Variants in UGT1A8 observed in about 807,000 individuals in gnomAD.
UGT1A8 encodes the protein UDP glucuronosyltransferase family 1 member A8.
UGT1A8 carries 39 observed loss-of-function variants against 45.3 expected under a neutral mutation model. That is an observed-to-expected ratio of 0.86 (90% CI 0.67 to 1.12). The LOEUF is 1.12. Among genes scored for constraint, UGT1A8 ranks in the 50% most tolerant of loss-of-function variants. The probability of loss-of-function intolerance (pLI) is 0.00; values close to 1 mark genes in which losing one functional copy is unlikely to be tolerated. For missense variants in UGT1A8, 719 were observed against 664.9 expected (o/e 1.08, Z -0.90); for synonymous variants, 275 against 249.2 (o/e 1.10, Z -0.97).
chr2:233,768,582 C>CTTTTTTTTTT (rs139595073), intron 4 of UGT1A8, 143 bp downstream of exon 4: 1 of 867,188 alleles, frequency 1.2e-6, no homozygotes, highest in Non-Finnish European at 1.4e-6. Flanking sequence ...TTTATTTCTT[C>CTTTTTTTTTT]TTTTTTTTTT....
At chr2:233,644,179 G>A (rs573410731) in intron 1 of UGT1A8, among the ~76,000 whole-genome samples, 5 of 152,264 alleles carry the variant, frequency 3.3e-5, no homozygotes, top group African/African-American at 9.6e-5. Context: ...TTTACTTGAG[G>A]CCAAGACCAT....
chr2:233,730,339 G>T (rs954764150), intron 1 of UGT1A8, among the ~76,000 whole-genome samples: 16 of 152,296 alleles, frequency 1.1e-4, no homozygotes, highest in Non-Finnish European at 7.4e-5. Context: ...GTTTGGAACT[G>T]ATCCATCCTG....
intron 1 of UGT1A8, among the ~76,000 whole-genome samples, chr2:233,633,219 T>A (rs2073223117): frequency 6.6e-6 from 1 of 152,164 alleles, no homozygotes; most frequent in South Asian, 2.1e-4. Context: ...TGCCAGTACT[T>A]TATTGAGGAT....
At chr2:233,671,722 T>TA (rs1396567782) in intron 1 of UGT1A8, 150 of 1,092,392 alleles carry the variant, frequency 1.4e-4, no homozygotes, top group Middle Eastern at 6.5e-4. Context: ...TAAGCTACTG[T>TA]TGTCTGGAAA....
chr2:233,752,746 A>AAAAC lies in UGT1A8; in HGVS notation c.856-14265_856-14262dup, dbSNP rs200752387. Among the ~76,000 whole-genome samples the AAAAC allele has an allele frequency of 7.8e-3, 1,184 of 152,306 alleles. 57 individuals carry two copies. In the East Asian group the frequency reaches 0.13, roughly 17 times the overall value. On this transcript the variant is annotated intron_variant, in intron 1 of 4. Transcript: ENST00000373450. ...AGCTACAGAGAGAGACCCTGTCTCTAAAACAAACAAACAAACAAACAAACA... is the reference window on the plus strand; with the variant it reads ...AGCTACAGAGAGAGACCCTGTCTCTAAAACAAACAAACAAACAAACAAACAAACA...
intron 1 of UGT1A8, among the ~76,000 whole-genome samples, chr2:233,684,050 C>T (rs896888623): frequency 6.6e-6 from 1 of 152,098 alleles, no homozygotes; most frequent in African/African-American, 2.4e-5. Context: ...GGTGAAACAC[C>T]TGGTGTCTGA....
intron 1 of UGT1A8, among the ~76,000 whole-genome samples, chr2:233,653,024 C>T (rs992588510): frequency 6.6e-6 from 1 of 152,166 alleles, no homozygotes; most frequent in African/African-American, 2.4e-5. Context: ...GAAAAGTGAA[C>T]CCACATGGCC....
chr2:233,678,070 G>A (rs1461872857), intron 1 of UGT1A8, among the ~76,000 whole-genome samples: 1 of 152,192 alleles, frequency 6.6e-6, no homozygotes, highest in Non-Finnish European at 1.5e-5. Context: ...TACAGGCACA[G>A]AACACCAAAT....
intron 1 of UGT1A8, among the ~76,000 whole-genome samples, chr2:233,673,031 G>C (rs779935608): frequency 7.9e-5 from 12 of 152,084 alleles, no homozygotes; most frequent in Non-Finnish European, 1.6e-4. Flanking sequence ...ACATTTTTAA[G>C]TACCATGTTT....
intron 1 of UGT1A8, among the ~76,000 whole-genome samples, chr2:233,727,276 C>G (rs1480742457): frequency 6.6e-6 from 1 of 152,140 alleles, no homozygotes; most frequent in Non-Finnish European, 1.5e-5. Context: ...CATCTCCAGA[C>G]CCTGGAAGCT....
chr2:233,707,013 C>A (rs1559354964), intron 1 of UGT1A8, among the ~76,000 whole-genome samples: 1 of 152,150 alleles, frequency 6.6e-6, no homozygotes, highest in Non-Finnish European at 1.5e-5. Flanking sequence ...ACCTAGGATC[C>A]ATGGTCAGCC....
chr2:233,626,269 C>T (rs1044986641), intron 1 of UGT1A8, among the ~76,000 whole-genome samples: 4 of 151,968 alleles, frequency 2.6e-5, no homozygotes, highest in Non-Finnish European at 5.9e-5. Flanking sequence ...TCTTAAATAA[C>T]TGGAAGCCTT....
At chr2:233,640,640 G>C (rs1452873149) in intron 1 of UGT1A8, among the ~76,000 whole-genome samples, 1 of 152,150 alleles carries the variant, frequency 6.6e-6, no homozygotes, top group Non-Finnish European at 1.5e-5. Flanking sequence ...GGAGAGAACA[G>C]TCTCTTTTTT....
intron 3 of UGT1A8, 63 bp downstream of exon 3, chr2:233,767,999 A>G: frequency 6.2e-7 from 1 of 1,614,190 alleles, no homozygotes; most frequent in Non-Finnish European, 8.5e-7. Context: ...TGGCTTAAGC[A>G]CAGCTATTCT....
chr2:233,663,822 G>A (rs768912168), intron 1 of UGT1A8, among the ~76,000 whole-genome samples: 7 of 152,122 alleles, frequency 4.6e-5, no homozygotes, highest in Non-Finnish European at 1.0e-4. Flanking sequence ...CACTGTCTCA[G>A]GCATAATTTT....
intron 1 of UGT1A8, among the ~76,000 whole-genome samples, chr2:233,720,407 A>G (rs2076856219): frequency 6.6e-6 from 1 of 152,094 alleles, no homozygotes; most frequent in African/African-American, 2.4e-5. Context: ...AGTGGGTGGA[A>G]GGGACTAGGG....
chr2:233,655,521 C>T (rs1470381651), intron 1 of UGT1A8, among the ~76,000 whole-genome samples: 1 of 152,172 alleles, frequency 6.6e-6, no homozygotes, highest in South Asian at 2.1e-4. Context: ...CAATGGGTGA[C>T]AAGTTCCTTC....
chr2:233,725,249 G>GGAGGCAGAGGCAGAGGAGGCAGAGGCA (rs1559370464), intron 1 of UGT1A8, among the ~76,000 whole-genome samples: 1 of 48,520 alleles, frequency 2.1e-5, no homozygotes, highest in Non-Finnish European at 3.8e-5. Context: ...CAGAGGCAGA[G>GGAGGCAGAGGCAGAGGAGGCAGAGGCA]GAGGCAGAGG....
chr2:233,629,027 C>G (rs2073141009), intron 1 of UGT1A8, among the ~76,000 whole-genome samples: 1 of 152,068 alleles, frequency 6.6e-6, no homozygotes, highest in African/African-American at 2.4e-5. Context: ...AGTACGTTCA[C>G]ATTGCTGTGC....
Sources: gnomAD v4.1 joint callset for allele counts (sites outside exome capture counted in the v4.1 genomes callset) on GRCh38, gnomAD v4.1.1 for gene constraint, MANE v1.5 for transcripts, NCBI Gene and HGNC (gene_info 2026-07-23, HGNC 2026-07-21) for gene names.